PHACTR2: variants seen among roughly 807,000 people sequenced by gnomAD.
PHACTR2 encodes the protein phosphatase and actin regulator 2, also known as chromosome 6 open reading frame 56.
A neutral mutation model predicts 76.0 loss-of-function variants in PHACTR2; 30 were observed. That is an observed-to-expected ratio of 0.39 (90% CI 0.30 to 0.54). The LOEUF (loss-of-function observed/expected upper bound fraction) is 0.54. Ranked by LOEUF, PHACTR2 falls within the 20% of genes least tolerant of loss-of-function variation. The probability of loss-of-function intolerance (pLI) is 0.61; values close to 1 mark genes in which losing one functional copy is unlikely to be tolerated. For synonymous variants in PHACTR2, 292 were observed against 292.5 expected, an observed-to-expected ratio of 1.00 and a Z score of 0.02; for missense variants, 696 against 781.1, an observed-to-expected ratio of 0.89 and a Z score of 1.30.
chr6:143,790,482 T>C (rs1775656744), intron 11 of PHACTR2, among the ~76,000 whole-genome samples: 1 of 152,080 alleles, frequency 6.6e-6, no homozygotes, highest in Admixed American at 6.5e-5. Flanking sequence ...TCGTATCTCA[T>C]TGTGCTTTTA....
In PHACTR2 at chr6:143,595,457, A is replaced by C. The variant is rs1775738129; in HGVS notation, c.217+58250A>C. On this transcript the variant is annotated intron_variant, in intron 1 of 11. Transcript: ENST00000367584. This position sits in a 1 kb window ranked among gnomAD's most constrained non-coding sequence, Gnocchi z 4.2. ...GGGTCATGAGAATTCTATGGTGCTGACTGCATTTGGAGCTTAATTATTTAA... is the reference window on the plus strand; with the variant it reads ...GGGTCATGAGAATTCTATGGTGCTGCCTGCATTTGGAGCTTAATTATTTAA... Among the ~76,000 whole-genome samples, 1 of 152,328 alleles carries C rather than the reference A, an allele frequency of 6.6e-6. No individual in the cohort carries two copies. Among genetic ancestry groups the C allele is most frequent in the South Asian group, 2.1e-4 (1 of 4,832 alleles).
chr6:143,656,648 C>A lies in PHACTR2; in HGVS notation c.13+48326C>A, dbSNP rs937353422. On this transcript the variant is annotated intron_variant, in intron 1 of 11. Transcript: ENST00000305766. The surrounding 1 kb of genome is among the most constrained non-coding windows in gnomAD (Gnocchi z 5.3). ...ATATTGTAGTTGAGTAAATATTACA[C>A]CCGGTGTGTTGATTAATGAATAGAT... Among the ~76,000 whole-genome samples, 2 of 151,932 alleles carry A rather than the reference C, an allele frequency of 1.3e-5. No homozygotes were observed. The highest frequency in any genetic ancestry group is 1.5e-5 in the Non-Finnish European group (1 of 67,984).
chr6:143,772,528 A>G lies in PHACTR2; in HGVS notation c.1432+71A>G. The G allele has an allele frequency of 8.1e-6, 9 of 1,109,768 alleles. No individual in the cohort carries two copies. The highest frequency in any genetic ancestry group is 1.6e-5 in the African/African-American group (1 of 64,230). The allele number at this position is 1,109,768 out of a possible 1,614,324, so 68.7% of individuals were successfully genotyped here. A position where few individuals can be genotyped will look rare whatever the true frequency, so the allele number is the denominator to read the frequency against. ...GAAGCAGCTGCAGTTTATAAAGAAT[A>G]AAAGCCTCATTAGGAACCAGACATC... On this transcript the variant is annotated intron_variant, in intron 7 of 12. Coordinates refer to ENST00000440869, the MANE Select transcript of PHACTR2 (RefSeq NM_001100164.2). This position sits in a 1 kb window ranked among gnomAD's most constrained non-coding sequence, Gnocchi z 5.4.
At chr6:143,628,710 G>A (rs1562252715) in intron 1 of PHACTR2, among the ~76,000 whole-genome samples, 1 of 151,690 alleles carries the variant, frequency 6.6e-6, no homozygotes, top group South Asian at 2.1e-4. Context: ...CCATTTATAG[G>A]CTCTAGGGAT....
intron 1 of PHACTR2, among the ~76,000 whole-genome samples, chr6:143,640,254 C>T (rs1776541127): frequency 6.6e-6 from 1 of 152,176 alleles, no homozygotes; most frequent in Non-Finnish European, 1.5e-5. Flanking sequence ...CTTTTAATCA[C>T]CATTTTAGAG....
chr6:143,716,148 C>T (rs539883990), intron 2 of PHACTR2, among the ~76,000 whole-genome samples: 2 of 152,140 alleles, frequency 1.3e-5, no homozygotes, highest in Non-Finnish European at 2.9e-5. Context: ...AATGACTTTA[C>T]AAGTATCAAG....
At chr6:143,660,871 G>A (rs1172179922) in intron 1 of PHACTR2, among the ~76,000 whole-genome samples, 2 of 152,200 alleles carry the variant, frequency 1.3e-5, no homozygotes, top group African/African-American at 4.8e-5. Flanking sequence ...AAACCTCAAG[G>A]AAGGATGTGT....
intron 2 of PHACTR2, among the ~76,000 whole-genome samples, chr6:143,725,928 T>C (rs1400935530): frequency 6.6e-6 from 1 of 152,228 alleles, no homozygotes; most frequent in South Asian, 2.1e-4. Flanking sequence ...TTCCTCCAGG[T>C]TGTTGCATGT....
At chr6:143,564,269 G>A (rs1775330678) in intron 1 of PHACTR2, among the ~76,000 whole-genome samples, 1 of 137,860 alleles carries the variant, frequency 7.3e-6, no homozygotes, top group Non-Finnish European at 1.6e-5. Context: ...TGGCAACAGA[G>A]TGAGAACCTG....
Position 143,598,376 on chromosome 6 carries a change from A to G in PHACTR2, c.217+61169A>G, listed in dbSNP as rs1341626366. On this transcript the variant is annotated intron_variant, in intron 1 of 11. Coordinates refer to the PHACTR2 transcript ENST00000367584. The surrounding 1 kb of genome is among the most constrained non-coding windows in gnomAD (Gnocchi z 4.1). ...TGAGCCTAGGAGGTGGAAGAGACCAAGCCAGAGCCTCCAGAGGAATGCAGC... is the reference window on the plus strand; with the variant it reads ...TGAGCCTAGGAGGTGGAAGAGACCAGGCCAGAGCCTCCAGAGGAATGCAGC... Among the ~76,000 whole-genome samples the G allele has an allele frequency of 2.0e-5, 3 of 152,198 alleles. No individual in the cohort carries two copies. The highest frequency in any genetic ancestry group is 4.4e-5 in the Non-Finnish European group (3 of 68,034).
intron 1 of PHACTR2, among the ~76,000 whole-genome samples, chr6:143,564,802 A>G (rs1485429451): frequency 1.3e-5 from 2 of 152,214 alleles, no homozygotes; most frequent in East Asian, 3.9e-4. Flanking sequence ...AACAGTCCCT[A>G]AAATAACAAC....
chr6:143,756,542 A>G (rs1779301585), intron 4 of PHACTR2, among the ~76,000 whole-genome samples: 1 of 151,654 alleles, frequency 6.6e-6, no homozygotes, highest in South Asian at 2.1e-4. Context: ...AAAAATACAA[A>G]AAAAAAATTA....
Position 143,738,217 on chromosome 6 carries a change from G to C in PHACTR2, c.215-10768G>C, listed in dbSNP as rs1247337400. ...ACAAGGTCAGGAGTTCGAAACCAGT[G>C]GGGGGCGCCTGTAATCCCAGCTACT... On this transcript the variant is annotated intron_variant, in intron 2 of 12. Coordinates refer to ENST00000440869, the MANE Select transcript of PHACTR2 (RefSeq NM_001100164.2). The surrounding 1 kb of genome is among the most constrained non-coding windows in gnomAD (Gnocchi z 4.0). Among the ~76,000 whole-genome samples, 1 of 151,990 alleles carries C rather than the reference G, an allele frequency of 6.6e-6. No homozygotes were observed. Among genetic ancestry groups the C allele is most frequent in the Non-Finnish European group, 1.5e-5 (1 of 68,010 alleles).
At chr6:143,798,430 A>T (rs898480479) in intron 11 of PHACTR2, among the ~76,000 whole-genome samples, 3 of 152,156 alleles carry the variant, frequency 2.0e-5, no homozygotes, top group African/African-American at 7.2e-5. Context: ...AACTTCCAAC[A>T]TTATGTTGAA....
At position 143,767,373 on chromosome 6, in the gene PHACTR2, G is replaced by GT. The variant is rs989956692; in HGVS notation, c.1232+1582dup. On this transcript the variant is annotated intron_variant, in intron 6 of 12. Coordinates refer to ENST00000440869, the MANE Select transcript of PHACTR2 (RefSeq NM_001100164.2). This position sits in a 1 kb window ranked among gnomAD's most constrained non-coding sequence, Gnocchi z 4.4. ...ATTTCTCTTCTGTTAGTTTCTTTGG[G>GT]TTTTTTTAAGTCATTTTGAGCACCA... Among the ~76,000 whole-genome samples, 3 of 151,954 alleles carry GT rather than the reference G, an allele frequency of 2.0e-5. No homozygotes were observed. Among genetic ancestry groups the GT allele is most frequent in the South Asian group, 2.1e-4 (1 of 4,824 alleles).
chr6:143,564,231 ATATATG>A (rs1309513342), intron 1 of PHACTR2, among the ~76,000 whole-genome samples: 1,094 of 101,014 alleles, frequency 0.011, 35 homozygotes, highest in South Asian at 0.029. Context: ...ATATATATAT[ATATATG>A]TATGCCACTG....
rs142898261 is a variant in PHACTR2, at chr6:143,692,106, G to A, written c.46+13897G>A. 1.9e-3 allele frequency among the ~76,000 whole-genome samples: 293 copies of A among 152,182 alleles called. 1 individual carries two copies. Among genetic ancestry groups the A allele is most frequent in the African/African-American group, 5.6e-3 (232 of 41,512 alleles). On this transcript the variant is annotated intron_variant, in intron 1 of 12. Transcript: ENST00000440869. ...GCCTCCCTATGGAAGGCCACTGTTC[G>A]TTGCCTAAGGTGTTTCAGGGTGTGC...
chr6:143,558,110 A>C lies in PHACTR2; in HGVS notation c.217+20903A>C, dbSNP rs1775206146. Reference sequence around the variant, plus strand: ...GTCACCTAAGGTCCCTTATGTCTTCATTTTTGCCCTGGATCCAGCGCCTAT... The same window carrying C: ...GTCACCTAAGGTCCCTTATGTCTTCCTTTTTGCCCTGGATCCAGCGCCTAT... On this transcript the variant is annotated intron_variant, in intron 1 of 11. Transcript: ENST00000367584. The surrounding 1 kb of genome is among the most constrained non-coding windows in gnomAD (Gnocchi z 4.7). The C allele has an allele frequency of 6.6e-6, 1 of 151,970 alleles. No individual in the cohort carries two copies. The highest frequency in any genetic ancestry group is 2.4e-5 in the African/African-American group (1 of 41,370). The allele number at this position is 151,970 out of a possible 1,614,324, so 9.4% of individuals were successfully genotyped here. A position where few individuals can be genotyped will look rare whatever the true frequency, so the allele number is the denominator to read the frequency against.
At position 143,827,060 on chromosome 6, in the gene PHACTR2, T is replaced by C. The variant is rs1776544499; in HGVS notation, c.*3371T>C. On this transcript the variant is annotated 3_prime_UTR_variant, in exon 13 of 13. Coordinates refer to ENST00000440869, the MANE Select transcript of PHACTR2 (RefSeq NM_001100164.2). The stretch of plus-strand genomic sequence containing the variant: ...ACACCCTTCAAAAGTCACCAAATAC[T>C]GAAAATAAGAGATGAGTCCTTAAAA... 6.7e-6 allele frequency: 1 copy of C among 148,740 alleles called. No individual in the cohort carries two copies. The highest frequency in any genetic ancestry group is 1.5e-5 in the Non-Finnish European group (1 of 67,330). The allele number at this position is 148,740 out of a possible 1,614,324, so 9.2% of individuals were successfully genotyped here. A position where few individuals can be genotyped will look rare whatever the true frequency, so the allele number is the denominator to read the frequency against.
Sources: allele counts gnomAD v4.1 joint callset (sites outside exome capture counted in the v4.1 genomes callset), GRCh38; gene constraint gnomAD v4.1.1; non-coding constraint Gnocchi (gnomAD v3.1); transcripts MANE v1.5; gene names NCBI Gene and HGNC (gene_info 2026-07-23, HGNC 2026-07-21).